Variants in TCAIM observed in about 807,000 individuals in gnomAD.
TCAIM encodes T cell activation inhibitor, mitochondrial, also known as T-cell activation inhibitor, mitochondrial.
A neutral mutation model predicts 58.6 loss-of-function variants in TCAIM; 36 were observed. The observed-to-expected ratio is 0.61, with a 90% CI of 0.47 to 0.81. The LOEUF (loss-of-function observed/expected upper bound fraction) is 0.81. Among genes scored for constraint, TCAIM ranks in the 30% least tolerant of loss-of-function variants. TCAIM has a pLI of 0.00. For missense variants in TCAIM, 466 were observed against 579.6 expected, an observed-to-expected ratio of 0.80 and a Z score of 2.01; for synonymous variants, 172 against 193.6, an observed-to-expected ratio of 0.89 and a Z score of 0.93.
chr3:44,386,209 C>CA (rs10576012), intron 5 of TCAIM, among the ~76,000 whole-genome samples: 12,518 of 51,800 alleles, frequency 0.24, 629 homozygotes, highest in African/African-American at 0.29. Flanking sequence ...CCAGAAGCTC[C>CA]AAAAAAAAAA....
At chr3:44,394,609 A>G (rs1349623226) in intron 6 of TCAIM, among the ~76,000 whole-genome samples, 1 of 151,946 alleles carries the variant, frequency 6.6e-6, no homozygotes, top group African/African-American at 2.4e-5. Context: ...CAATAGATAT[A>G]ACCCGGCCGG....
chr3:44,402,818 A>G (rs953787154), intron 10 of TCAIM, among the ~76,000 whole-genome samples: 3 of 152,042 alleles, frequency 2.0e-5, no homozygotes, highest in Non-Finnish European at 4.4e-5. Flanking sequence ...ATGCCATTCC[A>G]CATGTCCATG....
chr3:44,350,236 G>T (rs550413519), intron 1 of TCAIM, among the ~76,000 whole-genome samples: 1 of 152,240 alleles, frequency 6.6e-6, no homozygotes, highest in African/African-American at 2.4e-5. Context: ...GGGTCACAAG[G>T]TGCTCAGTGG....
chr3:44,369,078 T>C (rs749606334), intron 5 of TCAIM, among the ~76,000 whole-genome samples: 4 of 152,110 alleles, frequency 2.6e-5, no homozygotes, highest in Non-Finnish European at 5.9e-5. Flanking sequence ...GGTTGCCGAA[T>C]TGAAAATTTT....
chr3:44,402,418 A>G (rs894516717), intron 10 of TCAIM, among the ~76,000 whole-genome samples: 7 of 145,552 alleles, frequency 4.8e-5, no homozygotes, highest in Non-Finnish European at 7.8e-5. Flanking sequence ...TCAAAAAAAT[A>G]TATGTATCAT....
chr3:44,376,326 A>T (rs1243588565), intron 5 of TCAIM, among the ~76,000 whole-genome samples: 1 of 152,220 alleles, frequency 6.6e-6, no homozygotes, highest in African/African-American at 2.4e-5. Flanking sequence ...AGCCATTTTT[A>T]AAAAGAACTA....
Position 44,407,727 on chromosome 3 carries a change from A to T in TCAIM, c.*45A>T. 4.0e-6 allele frequency: 6 copies of T among 1,497,920 alleles called. No individual in the cohort carries two copies. The highest frequency in any genetic ancestry group is 5.4e-6 in the Non-Finnish European group (6 of 1,120,894). The allele number at this position is 1,497,920 out of a possible 1,614,324, so 92.8% of individuals were successfully genotyped here. A position where few individuals can be genotyped will look rare whatever the true frequency, so the allele number is the denominator to read the frequency against. Reference sequence around the variant, plus strand: ...TTTTTAAGAGATAAGAAAGGAACTTAAATTAAAAATATTTAAATCCACAAT... The same window carrying T: ...TTTTTAAGAGATAAGAAAGGAACTTTAATTAAAAATATTTAAATCCACAAT... On this transcript the variant is annotated 3_prime_UTR_variant, in exon 11 of 11. Coordinates refer to ENST00000342649, the MANE Select transcript of TCAIM (RefSeq NM_173826.4).
At chr3:44,364,542 A>C (rs926697453) in intron 4 of TCAIM, among the ~76,000 whole-genome samples, 2 of 152,154 alleles carry the variant, frequency 1.3e-5, no homozygotes, top group African/African-American at 4.8e-5. Flanking sequence ...GGAGTTCCAG[A>C]CCAGCCTGGG....
intron 10 of TCAIM, among the ~76,000 whole-genome samples, chr3:44,407,069 G>T (rs1346011310): frequency 6.6e-6 from 1 of 151,984 alleles, no homozygotes; most frequent in East Asian, 1.9e-4. Flanking sequence ...ACTTCCCAAG[G>T]GTTAAACTTT....
chr3:44,372,979 T>A (rs1328208915), intron 5 of TCAIM, among the ~76,000 whole-genome samples: 1 of 152,222 alleles, frequency 6.6e-6, no homozygotes, highest in Non-Finnish European at 1.5e-5. Context: ...GAAAATATAA[T>A]TACAGTGTTA....
chr3:44,371,019 C>T (rs999908650), intron 5 of TCAIM, among the ~76,000 whole-genome samples: 9 of 151,280 alleles, frequency 5.9e-5, no homozygotes, highest in Non-Finnish European at 1.2e-4. Flanking sequence ...TAAGCATTCT[C>T]CTGCCTCAGC....
intron 2 of TCAIM, among the ~76,000 whole-genome samples, chr3:44,356,183 T>C (rs1327961035): frequency 2.6e-5 from 4 of 152,222 alleles, no homozygotes; most frequent in Non-Finnish European, 5.9e-5. Flanking sequence ...TTGTCACACC[T>C]AATGTATGAG....
chr3:44,388,629 T>C (rs1278856551), intron 5 of TCAIM, among the ~76,000 whole-genome samples: 1 of 152,224 alleles, frequency 6.6e-6, no homozygotes, highest in Non-Finnish European at 1.5e-5. Flanking sequence ...AAATATCCTT[T>C]TACTCATTAG....
In TCAIM at chr3:44,394,925, T is replaced by A. The variant is rs1470102287; in HGVS notation, c.696-1475T>A. Among the ~76,000 whole-genome samples, 189 of 21,710 alleles carry A rather than the reference T, an allele frequency of 8.7e-3. 3 individuals carry two copies. The highest frequency in any genetic ancestry group is 0.028 in the African/African-American group (140 of 5,064). The allele number at this position is 21,710 out of a possible 152,430, so 14.2% of individuals were successfully genotyped here. On this transcript the variant is annotated intron_variant, in intron 6 of 10. Transcript: ENST00000342649. ...AAAAAAAAAAAAAAAAAAAAAAATA[T>A]ATATATATATATATATATATATATA...
intron 5 of TCAIM, among the ~76,000 whole-genome samples, chr3:44,372,424 A>G (rs569851523): frequency 6.6e-6 from 1 of 152,184 alleles, no homozygotes; most frequent in Admixed American, 6.6e-5. Flanking sequence ...TTATTCATGT[A>G]TTGTTTAATT....
intron 5 of TCAIM, among the ~76,000 whole-genome samples, chr3:44,380,072 A>G (rs1024980994): frequency 2.0e-5 from 3 of 152,208 alleles, no homozygotes; most frequent in Non-Finnish European, 2.9e-5. Flanking sequence ...ACTCAATTAG[A>G]TCATAGACTT....
intron 10 of TCAIM, among the ~76,000 whole-genome samples, chr3:44,403,256 G>T (rs1290407571): frequency 6.6e-6 from 1 of 152,156 alleles, no homozygotes; most frequent in Non-Finnish European, 1.5e-5. Context: ...GCAACAGAGC[G>T]AGACTCCGTC....
intron 4 of TCAIM, among the ~76,000 whole-genome samples, chr3:44,362,035 A>G (rs1417733908): frequency 6.6e-6 from 1 of 152,194 alleles, no homozygotes; most frequent in Non-Finnish European, 1.5e-5. Flanking sequence ...GCTTATCCAT[A>G]TTTAAAATTA....
intron 1 of TCAIM, among the ~76,000 whole-genome samples, chr3:44,350,752 G>A (rs190500534): frequency 3.3e-5 from 5 of 152,150 alleles, no homozygotes; most frequent in African/African-American, 4.8e-5. Context: ...CATATTTCAC[G>A]TTTGTTGTAA....
Sources: allele counts gnomAD v4.1 joint callset (sites outside exome capture counted in the v4.1 genomes callset), GRCh38; gene constraint gnomAD v4.1.1; transcripts MANE v1.5; gene names NCBI Gene and HGNC (gene_info 2026-07-23, HGNC 2026-07-21).